TLK1: variants seen among roughly 807,000 people sequenced by gnomAD.
TLK1 encodes the protein tousled like kinase 1, also known as serine/threonine-protein kinase tousled-like 1.
Under a neutral mutation model 105.3 loss-of-function variants are expected in TLK1, and 24 were observed. The observed-to-expected ratio is 0.23, with a 90% CI of 0.17 to 0.32. The LOEUF (loss-of-function observed/expected upper bound fraction) is 0.32, where lower values mean the gene tolerates loss of function less well. TLK1 is among the 10% of genes least tolerant of loss of function. The pLI is 1.00. For synonymous variants in TLK1, 321 were observed against 310.4 expected (o/e 1.03, Z -0.36); for missense variants, 558 against 910.5 (o/e 0.61, Z 4.98).
Position 171,049,795 on chromosome 2 carries a change from A to C in TLK1, c.980+19T>G. 1 of 1,611,470 alleles carries C rather than the reference A, an allele frequency of 6.2e-7. No homozygotes were observed. The highest frequency in any genetic ancestry group is 8.5e-7 in the Non-Finnish European group (1 of 1,179,272). On this transcript the variant is annotated intron_variant, in intron 10 of 20. Coordinates refer to ENST00000431350, the MANE Select transcript of TLK1 (RefSeq NM_012290.5). ...CCCAAACGAATACTAAAAACTTTTAAATGTTAAGAATGACTAACTTCACAA... is the reference window on the plus strand; with the variant it reads ...CCCAAACGAATACTAAAAACTTTTACATGTTAAGAATGACTAACTTCACAA...
At chr2:171,190,437 A>G (rs771064869) in intron 1 of TLK1, among the ~76,000 whole-genome samples, 7 of 152,232 alleles carry the variant, frequency 4.6e-5, no homozygotes, top group Non-Finnish European at 8.8e-5. Context: ...GAGGAGTTGC[A>G]TTAGTCACTC....
intron 20 of TLK1, among the ~76,000 whole-genome samples, chr2:170,994,366 C>G (rs921800129): frequency 6.6e-6 from 1 of 151,920 alleles, no homozygotes; most frequent in African/African-American, 2.4e-5. Context: ...GACATAAAGA[C>G]TTTCTTTAGA....
chr2:171,086,239 TAACTATATATAAATCCTGGA>T (rs539324265), intron 2 of TLK1, among the ~76,000 whole-genome samples: 41 of 152,268 alleles, frequency 2.7e-4, no homozygotes, highest in Non-Finnish European at 5.0e-4. Flanking sequence ...TTTCTACAGA[TAACTATATATAAATCCTGGA>T]AAAAAAGGAT....
At chr2:171,213,459 T>C (rs1407683685) in intron 1 of TLK1, among the ~76,000 whole-genome samples, 1 of 151,410 alleles carries the variant, frequency 6.6e-6, no homozygotes, top group Non-Finnish European at 1.5e-5. Context: ...CACCTCGACC[T>C]CCCAAAGTGC....
intron 1 of TLK1, among the ~76,000 whole-genome samples, chr2:171,181,609 G>GT (rs1182240859): frequency 6.6e-6 from 1 of 152,200 alleles, no homozygotes; most frequent in Non-Finnish European, 1.5e-5. Flanking sequence ...AAGGGGAACT[G>GT]TTGTGTGCAG....
chr2:171,135,587 G>A (rs568494906), intron 1 of TLK1, among the ~76,000 whole-genome samples: 1 of 152,038 alleles, frequency 6.6e-6, no homozygotes, highest in Admixed American at 6.6e-5. Context: ...GATCACCTGA[G>A]GTCAGGAGTT....
intron 2 of TLK1, among the ~76,000 whole-genome samples, chr2:171,095,561 T>C (rs1689418511): frequency 1.3e-5 from 2 of 152,134 alleles, no homozygotes. Context: ...AAAATGATTC[T>C]AGAAGACATA....
chr2:171,026,142 GA>G (rs1685762764), intron 12 of TLK1, among the ~76,000 whole-genome samples: 1 of 151,872 alleles, frequency 6.6e-6, no homozygotes, highest in Non-Finnish European at 1.5e-5. Flanking sequence ...TAAAAGCTAG[GA>G]AAAAAAGCAG....
intron 12 of TLK1, among the ~76,000 whole-genome samples, chr2:171,025,681 G>A (rs1685739451): frequency 6.6e-6 from 1 of 152,124 alleles, no homozygotes; most frequent in Non-Finnish European, 1.5e-5. Flanking sequence ...CTTTTCTTTT[G>A]ACTCAAGCCT....
At chr2:171,017,052 G>T (rs1685246079) in intron 12 of TLK1, among the ~76,000 whole-genome samples, 1 of 152,028 alleles carries the variant, frequency 6.6e-6, no homozygotes, top group African/African-American at 2.4e-5. Flanking sequence ...AAAAAGTAAA[G>T]TGATATCCTA....
At chr2:171,042,720 A>G (rs1234714505) in intron 11 of TLK1, among the ~76,000 whole-genome samples, 2 of 152,180 alleles carry the variant, frequency 1.3e-5, no homozygotes, top group Admixed American at 1.3e-4. Context: ...GTTAAAAAAA[A>G]AAAAAGGTTA....
intron 12 of TLK1, among the ~76,000 whole-genome samples, chr2:171,023,414 TACACAC>T (rs140384482): frequency 5.9e-4 from 87 of 147,630 alleles, no homozygotes; most frequent in Non-Finnish European, 8.9e-4. Flanking sequence ...CACTCACACA[TACACAC>T]ACACACACAC....
At chr2:171,089,275 C>G (rs1013079914) in intron 2 of TLK1, among the ~76,000 whole-genome samples, 2 of 152,176 alleles carry the variant, frequency 1.3e-5, no homozygotes, top group Non-Finnish European at 2.9e-5. Context: ...TGTGTCATTT[C>G]AACGTAGTTA....
Position 171,160,219 on chromosome 2 carries a change from G to C in TLK1, c.139+71C>G. ...GAGAAGCCCCGGGGCGGGGGGGGCG[G>C]GGGGGGGGCGCGGGGGTCCGCGGCG... On this transcript the variant is annotated intron_variant, in intron 1 of 20. Coordinates refer to ENST00000431350, the MANE Select transcript of TLK1 (RefSeq NM_012290.5). This position sits in a 1 kb window ranked among gnomAD's most constrained non-coding sequence, Gnocchi z 4.4. The C allele has an allele frequency of 8.0e-7, 1 of 1,257,482 alleles. No homozygotes were observed. The highest frequency in any genetic ancestry group is 3.2e-5 in the East Asian group (1 of 30,886). The allele number at this position is 1,257,482 out of a possible 1,614,324, so 77.9% of individuals were successfully genotyped here. A position where few individuals can be genotyped will look rare whatever the true frequency, so the allele number is the denominator to read the frequency against.
intron 1 of TLK1, among the ~76,000 whole-genome samples, chr2:171,228,945 G>T (rs1162532528): frequency 6.6e-6 from 1 of 152,172 alleles, no homozygotes; most frequent in Non-Finnish European, 1.5e-5. Flanking sequence ...CCAGCTGCAT[G>T]GAACAGAATT....
intron 11 of TLK1, among the ~76,000 whole-genome samples, chr2:171,035,365 G>T (rs1254086600): frequency 2.0e-5 from 3 of 151,838 alleles, no homozygotes; most frequent in Non-Finnish European, 4.4e-5. Context: ...GGGGTTGGGG[G>T]AGTTCCCCTA....
chr2:171,207,642 T>A (rs1163288476), intron 1 of TLK1, among the ~76,000 whole-genome samples: 1 of 152,226 alleles, frequency 6.6e-6, no homozygotes, highest in Non-Finnish European at 1.5e-5. Flanking sequence ...GAACTCTTTA[T>A]ACTTTCTGTT....
intron 3 of TLK1, among the ~76,000 whole-genome samples, chr2:171,080,612 G>A (rs908464317): frequency 1.3e-5 from 2 of 150,598 alleles, no homozygotes; most frequent in Non-Finnish European, 3.0e-5. Flanking sequence ...TAAGGACAAT[G>A]TATAATCTGT....
chr2:171,014,480 G>A (rs182999248), intron 13 of TLK1, among the ~76,000 whole-genome samples: 59 of 152,106 alleles, frequency 3.9e-4, no homozygotes, highest in Admixed American at 2.0e-3. Flanking sequence ...AACTATAGGT[G>A]AGCACCACTG....
Sources: allele counts gnomAD v4.1 joint callset (sites outside exome capture counted in the v4.1 genomes callset), GRCh38; gene constraint gnomAD v4.1.1; non-coding constraint Gnocchi (gnomAD v3.1); transcripts MANE v1.5; gene names NCBI Gene and HGNC (gene_info 2026-07-23, HGNC 2026-07-21).